WRNIP1: variants seen among roughly 807,000 people sequenced by gnomAD.
The protein encoded by WRNIP1 is ATPase WRNIP1.
Under a neutral mutation model 56.1 loss-of-function variants are expected in WRNIP1, and 41 were observed. That is an observed-to-expected ratio of 0.73 (90% CI 0.57 to 0.95). The LOEUF (loss-of-function observed/expected upper bound fraction) is 0.95. Among genes scored for constraint, WRNIP1 ranks in the 40% least tolerant of loss-of-function variants. The pLI is 0.00. For missense variants in WRNIP1, 1,170 were observed against 939.4 expected, an observed-to-expected ratio of 1.25 and a Z score of -3.21; for synonymous variants, 547 against 398.1, an observed-to-expected ratio of 1.37 and a Z score of -4.45.
intron 4 of WRNIP1, among the ~76,000 whole-genome samples, chr6:2,782,501 G>A (rs1581143299): frequency 1.3e-5 from 2 of 152,214 alleles, no homozygotes; most frequent in South Asian, 2.1e-4. Flanking sequence ...GGCGCCAGTC[G>A]TATTGTGGAC....
chr6:2,785,361 G>A lies in WRNIP1; in HGVS notation c.*79G>A. On this transcript the variant is annotated 3_prime_UTR_variant, in exon 7 of 7. Transcript: ENST00000380773. ...AGAAAGTTAGTGGATTGCAAAGTTG[G>A]TTGCCTGGTGGAAGTTAGAACAGAC... The A allele has an allele frequency of 2.6e-6, 4 of 1,533,886 alleles. No individual in the cohort carries two copies. Among genetic ancestry groups the A allele is most frequent in the Non-Finnish European group, 3.5e-6 (4 of 1,136,252 alleles).
In WRNIP1 at chr6:2,783,485, G is replaced by A; in HGVS notation, c.1566G>A (p.Leu522=). The A allele has an allele frequency of 6.2e-7, 1 of 1,614,054 alleles. No homozygotes were observed. Among genetic ancestry groups the A allele is most frequent in the Non-Finnish European group, 8.5e-7 (1 of 1,179,992 alleles). ...GSDQNASLYW[L]ARMLEGGEDP... ...ACCAGAACGCCTCCCTCTACTGGCT[G>A]GCTCGCATGCTCGAGGGAGGAGAGG... Residue 522 remains leucine, a synonymous_variant, in exon 5 of 7, where the codon CTG becomes CTA. Coordinates refer to ENST00000380773, the MANE Select transcript of WRNIP1 (RefSeq NM_020135.3).
Position 2,765,669 on chromosome 6 carries a change from AC to A in WRNIP1, c.49del (p.Gln17ArgfsTer10). 6.4e-7 allele frequency: 1 copy of A among 1,552,578 alleles called. No individual in the cohort carries two copies. Among genetic ancestry groups the A allele is most frequent in the South Asian group, 1.1e-5 (1 of 88,008 alleles). On this transcript the variant is annotated frameshift_variant, in exon 1 of 7. Transcript: ENST00000380773. LOFTEE classifies it high-confidence loss of function. ...GACGACCCCTTCCTTTCGCAGCTGC[AC>A]CAGGTGCAGTGCCCCGTGTGCCAGC... Reference protein sequence around the residue: ...PEDDPFLSQLHQVQCPVCQQM... With the variant: ...PEDDPFLSQLXQVQCPVCQQM...
intron 4 of WRNIP1, among the ~76,000 whole-genome samples, chr6:2,781,263 G>C (rs775424003): frequency 6.6e-6 from 1 of 152,208 alleles, no homozygotes; most frequent in Non-Finnish European, 1.5e-5. Context: ...CTTGGAGCTG[G>C]GGGGTGGTGG....
Position 2,765,923 on chromosome 6 carries a change from G to T in WRNIP1, c.301G>T (p.Asp101Tyr). ...SSEGEGEEGD[D>Y]GGETESRESY... is the part of the protein sequence containing the mutation. ...CGAGGGCGAGGGTGAGGAGGGCGAC[G>T]ACGGCGGCGAGACCGAGAGCCGCGA... Residue 101 changes from aspartate to tyrosine, a missense_variant, in exon 1 of 7, where the codon GAC becomes TAC. Transcript: ENST00000380773. 1.4e-6 allele frequency: 2 copies of T among 1,452,836 alleles called. No individual in the cohort carries two copies. Among genetic ancestry groups the T allele is most frequent in the South Asian group, 1.3e-5 (1 of 75,590 alleles). 90.0% of individuals were successfully genotyped at this position (1,452,836 alleles called of 1,614,324 possible).
intron 4 of WRNIP1, among the ~76,000 whole-genome samples, chr6:2,782,463 G>A (rs573052528): frequency 6.6e-6 from 1 of 152,344 alleles, no homozygotes; most frequent in South Asian, 2.1e-4. Context: ...CATCTTACCA[G>A]CGAGCTCAGC....
At chr6:2,769,005 A>AC (rs1358458720) in intron 2 of WRNIP1, 123 bp downstream of exon 2, 1 of 925,940 alleles carries the variant, frequency 1.1e-6, no homozygotes, top group Non-Finnish European at 1.6e-6. Context: ...AGGCTTGTGA[A>AC]CCCATCTCCT....
chr6:2,780,710 T>A (rs752382744), intron 4 of WRNIP1, among the ~76,000 whole-genome samples: 1 of 152,228 alleles, frequency 6.6e-6, no homozygotes, highest in Admixed American at 6.5e-5. Flanking sequence ...GAAAAAAGAT[T>A]TTAAGACATT....
chr6:2,770,508 G>A, intron 3 of WRNIP1, 147 bp downstream of exon 3: 2 of 1,227,122 alleles, frequency 1.6e-6, no homozygotes, highest in South Asian at 1.6e-5. Flanking sequence ...AAAAGAGGAG[G>A]GAAATGTTCG....
chr6:2,774,309 G>A (rs1177282971), intron 3 of WRNIP1: 2 of 982,714 alleles, frequency 2.0e-6, no homozygotes, highest in Non-Finnish European at 2.4e-6. Flanking sequence ...CCACAAACTG[G>A]GTGGCTCAGA....
At chr6:2,783,003 T>C (rs1415968352) in intron 4 of WRNIP1, among the ~76,000 whole-genome samples, 2 of 152,232 alleles carry the variant, frequency 1.3e-5, no homozygotes, top group Non-Finnish European at 2.9e-5. Flanking sequence ...TACATCCTCC[T>C]GGCTCCGAGC....
At chr6:2,773,300 T>C in intron 3 of WRNIP1, 1 of 985,408 alleles carries the variant, frequency 1.0e-6, no homozygotes, top group African/African-American at 1.7e-5. Flanking sequence ...GGGAGCGCAG[T>C]ATGATGAAGG....
chr6:2,779,431 G>T lies in WRNIP1; in HGVS notation c.1425G>T (p.Leu475=). ...SGQSYSPSRV[L]ITENDVKEGL... The stretch of plus-strand genomic sequence containing the variant: ...AATCCTATTCTCCCAGTAGAGTTCT[G>T]ATCACAGAGAATGACGTGAAGGAGG... The change falls in exon 4 of 7, where the codon CTG becomes CTT. Residue 475 remains leucine (L), a synonymous_variant. Coordinates refer to ENST00000380773, the MANE Select transcript of WRNIP1 (RefSeq NM_020135.3). 6.2e-7 allele frequency: 1 copy of T among 1,614,178 alleles called. No homozygotes were observed. The highest frequency in any genetic ancestry group is 1.1e-5 in the South Asian group (1 of 91,082).
At chr6:2,779,734 T>C (rs1162204126) in intron 4 of WRNIP1, among the ~76,000 whole-genome samples, 1 of 152,204 alleles carries the variant, frequency 6.6e-6, no homozygotes, top group African/African-American at 2.4e-5. Context: ...GGGTTGGAAA[T>C]GGCAGGCTGC....
intron 1 of WRNIP1, among the ~76,000 whole-genome samples, chr6:2,767,234 T>G (rs1385091415): frequency 1.3e-5 from 2 of 151,944 alleles, no homozygotes; most frequent in Admixed American, 1.3e-4. Context: ...GAGAAAAAAA[T>G]GGAGGAGGTG....
At position 2,770,482 on chromosome 6, in the gene WRNIP1, C is replaced by T. The variant is rs551687229; in HGVS notation, c.1256+121C>T. The T allele has an allele frequency of 4.7e-5, 64 of 1,362,904 alleles. No homozygotes were observed. The Middle Eastern group carries it at 7.6e-4, about 16-fold the overall frequency. The allele number at this position is 1,362,904 out of a possible 1,614,324, so 84.4% of individuals were successfully genotyped here. A position where few individuals can be genotyped will look rare whatever the true frequency, so the allele number is the denominator to read the frequency against. On this transcript the variant is annotated intron_variant, in intron 3 of 6. Transcript: ENST00000380773. ...TGGGGACAGAGAAGAAATGTTGATC[C>T]GCCCGTAATGAAAATAAAAGAGGAG...
rs767342526 is a variant in WRNIP1 at position 2,766,301 on chromosome 6, C to G, written c.679C>G (p.Leu227Val). The G allele has an allele frequency of 1.2e-6, 2 of 1,608,308 alleles. No homozygotes were observed. Among genetic ancestry groups the G allele is most frequent in the Non-Finnish European group, 1.7e-6 (2 of 1,178,098 alleles). The change falls in exon 1 of 7, where the codon CTG becomes GTG. Residue 227 changes from leucine to valine, a missense_variant. Leu to Val is a conservative substitution (Grantham distance 32, BLOSUM62 1). Coordinates refer to ENST00000380773, the MANE Select transcript of WRNIP1 (RefSeq NM_020135.3). ...EIRQMLQGKP[L>V]ADTMRPDTLQ... ...CCGACAGATGCTACAGGGCAAGCCG[C>G]TGGCCGACACGATGCGTCCTGACAC... is the stretch of plus-strand genomic sequence containing the variant.
chr6:2,783,410 G>A lies in WRNIP1; in HGVS notation c.1491G>A (p.Glu497=). ...TGGTGCTCTTTGTGATGTCAGGTGA[G>A]GAGCATTACAACTGCATCTCCGCCC... ...RSHILYDRAG[E]EHYNCISALH... Residue 497 remains glutamate, a synonymous_variant, in exon 5 of 7, where the codon GAG becomes GAA. Transcript: ENST00000380773. 1 of 1,592,788 alleles carries A rather than the reference G, an allele frequency of 6.3e-7. No individual in the cohort carries two copies. Among genetic ancestry groups the A allele is most frequent in the Non-Finnish European group, 8.6e-7 (1 of 1,166,598 alleles).
At position 2,783,520 on chromosome 6, in the gene WRNIP1, A is replaced by G. The variant is rs757837949; in HGVS notation, c.1601A>G (p.Tyr534Cys). 9 of 1,612,800 alleles carry G rather than the reference A, an allele frequency of 5.6e-6. No individual in the cohort carries two copies. The highest frequency in any genetic ancestry group is 3.3e-5 in the South Asian group (3 of 90,938). Residue 534 changes from tyrosine to cysteine, a missense_variant, in exon 5 of 7, where the codon TAC becomes TGC. By Grantham distance (194) the Tyr-to-Cys change is radical. Transcript: ENST00000380773. ...CTCGAGGGAGGAGAGGACCCACTCTACGTGGCACGGAGGCTTGTCAGGTTT... is the reference window on the plus strand; with the variant it reads ...CTCGAGGGAGGAGAGGACCCACTCTGCGTGGCACGGAGGCTTGTCAGGTTT... ...RMLEGGEDPL[Y>C]VARRLVRFAS...
Sources: allele counts gnomAD v4.1 joint callset (sites outside exome capture counted in the v4.1 genomes callset), GRCh38; gene constraint gnomAD v4.1.1; transcripts MANE v1.5; gene names NCBI Gene and HGNC (gene_info 2026-07-23, HGNC 2026-07-21).